Variants in CDH4 observed in about 807,000 individuals in gnomAD.
CDH4 encodes the protein cadherin-4.
Under a neutral mutation model 86.0 loss-of-function variants are expected in CDH4, and 33 were observed. The ratio of observed to expected loss-of-function variants is 0.38; its 90% CI spans 0.29 to 0.51. CDH4 has a LOEUF of 0.51. Among genes scored for constraint, CDH4 ranks in the 20% least tolerant of loss-of-function variants. The probability of loss-of-function intolerance (pLI) is 0.86; values close to 1 mark genes in which losing one functional copy is unlikely to be tolerated. For missense variants in CDH4, 1,114 were observed against 1,307.4 expected, an observed-to-expected ratio of 0.85 and a Z score of 2.28; for synonymous variants, 555 against 549.4, an observed-to-expected ratio of 1.01 and a Z score of -0.14.
chr20:61,798,243 T>C (rs776869520), intron 4 of CDH4, among the ~76,000 whole-genome samples: 2 of 129,574 alleles, frequency 1.5e-5, no homozygotes, highest in African/African-American at 2.6e-5. Flanking sequence ...CTCAGCTCCC[T>C]GCGGGAGCAC....
At chr20:61,928,943 A>G (rs923578879) in intron 12 of CDH4, among the ~76,000 whole-genome samples, 1 of 152,172 alleles carries the variant, frequency 6.6e-6, no homozygotes, top group Non-Finnish European at 1.5e-5. Flanking sequence ...GGCCAAAGTC[A>G]TTATTTCCAT....
rs141048091 is a variant in CDH4, at chr20:61,815,287, G to A, written c.577-29381G>A. On this transcript the variant is annotated intron_variant, in intron 4 of 15. Coordinates refer to ENST00000614565, the MANE Select transcript of CDH4 (RefSeq NM_001794.5). ...AAGCAATAACAGAGCATCCCAGGGT[G>A]GCTGCTGTGGAGGGCGTGGGGCTAC... Among the ~76,000 whole-genome samples the A allele has an allele frequency of 5.9e-4, 90 of 152,348 alleles. No individual in the cohort carries two copies. In the East Asian group the frequency reaches 0.017, roughly 28 times the overall value.
At chr20:61,405,321 G>A (rs1272369551) in intron 2 of CDH4, among the ~76,000 whole-genome samples, 2 of 151,614 alleles carry the variant, frequency 1.3e-5, no homozygotes, top group Admixed American at 6.6e-5. Flanking sequence ...TACTGATCAC[G>A]CTAGTAGACA....
At position 61,735,964 on chromosome 20, in the gene CDH4, G is replaced by A. The variant is rs190202059; in HGVS notation, c.170-7599G>A. Among the ~76,000 whole-genome samples the A allele has an allele frequency of 1.8e-3, 267 of 152,290 alleles. 3 individuals are homozygous for A. The highest frequency in any genetic ancestry group is 5.7e-3 in the African/African-American group (238 of 41,570). On this transcript the variant is annotated intron_variant, in intron 2 of 15. Transcript: ENST00000614565. ...CCGAGTTGTTTGCAAGGCTAGGAAA[G>A]GCCGTAGCTCTCTTAACATTGGGCC...
chr20:61,885,094 CT>C (rs2146172089), intron 7 of CDH4, among the ~76,000 whole-genome samples: 1 of 152,310 alleles, frequency 6.6e-6, no homozygotes, highest in East Asian at 1.9e-4. Context: ...TGCTGAGTCC[CT>C]CGGGCCCCTG....
chr20:61,686,008 T>C (rs1013775503), intron 2 of CDH4, among the ~76,000 whole-genome samples: 6 of 152,212 alleles, frequency 3.9e-5, no homozygotes, highest in African/African-American at 1.4e-4. Flanking sequence ...AAGATCTCAA[T>C]AAATACTGAA....
intron 2 of CDH4, among the ~76,000 whole-genome samples, chr20:61,428,001 C>A (rs924531462): frequency 6.6e-6 from 1 of 152,156 alleles, no homozygotes; most frequent in African/African-American, 2.4e-5. Context: ...AAGAGAACTA[C>A]TGAGGAGTGA....
chr20:61,390,783 G>T (rs890464514), intron 2 of CDH4, among the ~76,000 whole-genome samples: 1 of 151,078 alleles, frequency 6.6e-6, no homozygotes, highest in Non-Finnish European at 1.5e-5. Context: ...CCCTAAATGA[G>T]ATCGTGCAGT....
chr20:61,332,364 C>G (rs1448632565), intron 2 of CDH4, among the ~76,000 whole-genome samples: 2 of 152,238 alleles, frequency 1.3e-5, no homozygotes, highest in Non-Finnish European at 2.9e-5. Context: ...TGCTGGCCCA[C>G]TGCACAGCGT....
chr20:61,416,370 A>ATCCC (rs2085147359), intron 2 of CDH4, among the ~76,000 whole-genome samples: 1 of 152,080 alleles, frequency 6.6e-6, no homozygotes, highest in South Asian at 2.1e-4. Flanking sequence ...CCCCTCATTC[A>ATCCC]CGAGTGAATG....
chr20:61,839,530 TTGTG>T (rs145036287), intron 4 of CDH4, among the ~76,000 whole-genome samples: 1 of 150,646 alleles, frequency 6.6e-6, no homozygotes, highest in South Asian at 2.1e-4. Context: ...GTATGTGTGT[TTGTG>T]TATGTGTATT....
intron 2 of CDH4, among the ~76,000 whole-genome samples, chr20:61,347,553 G>C (rs996740441): frequency 2.6e-5 from 4 of 152,214 alleles, no homozygotes; most frequent in African/African-American, 9.6e-5. Context: ...AATGGCAGCT[G>C]TCAGTGCTAT....
intron 2 of CDH4, among the ~76,000 whole-genome samples, chr20:61,409,545 G>A (rs1324482910): frequency 3.3e-5 from 5 of 152,206 alleles, no homozygotes; most frequent in African/African-American, 7.2e-5. Context: ...GGGACTCACC[G>A]TCGCCACCGC....
Position 61,929,637 on chromosome 20 carries a change from C to T in CDH4, c.2034C>T (p.Ile678=), listed in dbSNP as rs2055083576. 6.2e-7 allele frequency: 1 copy of T among 1,614,032 alleles called. No homozygotes were observed. Among genetic ancestry groups the T allele is most frequent in the Non-Finnish European group, 8.5e-7 (1 of 1,180,016 alleles). ...ACTATGCCCAACTCAGCTTGCGCAT[C>T]CTGTACCTGGAGGCCGGGATGTATG... ...NGDYAQLSLR[I]LYLEAGMYDV... is the part of the protein sequence containing the mutation. Residue 678 remains isoleucine (I), a synonymous_variant, in exon 13 of 16, where the codon ATC becomes ATT. Coordinates refer to ENST00000614565, the MANE Select transcript of CDH4 (RefSeq NM_001794.5).
intron 2 of CDH4, among the ~76,000 whole-genome samples, chr20:61,529,873 T>C (rs970976849): frequency 6.6e-6 from 1 of 152,204 alleles, no homozygotes; most frequent in South Asian, 2.1e-4. Context: ...AGTCTCGCTA[T>C]GTCACCCAGG....
chr20:61,910,027 G>A (rs78709522), intron 8 of CDH4, among the ~76,000 whole-genome samples: 6,090 of 152,362 alleles, frequency 0.04, 269 homozygotes, highest in African/African-American at 0.11. Context: ...CCCGGCAGCC[G>A]TGCTATGAGG....
chr20:61,659,387 CAAAG>C (rs112764734), intron 2 of CDH4, among the ~76,000 whole-genome samples: 3,580 of 152,280 alleles, frequency 0.024, 123 homozygotes, highest in African/African-American at 0.077. Context: ...TGAAAAGAAA[CAAAG>C]AACAAGTGCA....
At chr20:61,838,137 C>CCTGCCTGTCTGCCTGT (rs56125179) in intron 4 of CDH4, among the ~76,000 whole-genome samples, 1 of 150,354 alleles carries the variant, frequency 6.7e-6, no homozygotes, top group African/African-American at 2.4e-5. Context: ...GGGCCGTCTA[C>CCTGCCTGTCTGCCTGT]CTGCCTGTCT....
chr20:61,938,825 G>A lies in CDH4; in HGVS notation c.*1882G>A, dbSNP rs183608623. The A allele has an allele frequency of 6.6e-6, 1 of 152,548 alleles. No individual in the cohort carries two copies. Among genetic ancestry groups the A allele is most frequent in the African/African-American group, 2.4e-5 (1 of 41,604 alleles). The allele number at this position is 152,548 out of a possible 1,614,324, so 9.4% of individuals were successfully genotyped here. On this transcript the variant is annotated 3_prime_UTR_variant, in exon 16 of 16. Coordinates refer to ENST00000614565, the MANE Select transcript of CDH4 (RefSeq NM_001794.5). ...CCTTGTCCAAACCAAACTCACAGCT[G>A]CCCCTGTGCAGCCTTCAGAGTTGAG...
Sources: gnomAD v4.1 joint callset for allele counts (sites outside exome capture counted in the v4.1 genomes callset) on GRCh38, gnomAD v4.1.1 for gene constraint, MANE v1.5 for transcripts, NCBI Gene and HGNC (gene_info 2026-07-23, HGNC 2026-07-21) for gene names.